The following SPIDR variants were observed in gnomAD, a reference collection of about 807,000 sequenced individuals.
SPIDR encodes DNA repair-scaffolding protein.
SPIDR carries 93 observed loss-of-function variants against 104.6 expected under a neutral mutation model. The observed-to-expected ratio is 0.89, with a 90% CI of 0.75 to 1.06. The LOEUF (loss-of-function observed/expected upper bound fraction) is 1.06, where lower values mean the gene tolerates loss of function less well. Among genes scored for constraint, SPIDR ranks in the 50% least tolerant of loss-of-function variants. The probability of loss-of-function intolerance (pLI) is 0.00; values close to 1 mark genes in which losing one functional copy is unlikely to be tolerated. For missense variants in SPIDR, 1,154 were observed against 1,111.2 expected, an observed-to-expected ratio of 1.04 and a Z score of -0.55; for synonymous variants, 431 against 416.9, an observed-to-expected ratio of 1.03 and a Z score of -0.41.
intron 10 of SPIDR, among the ~76,000 whole-genome samples, chr8:47,630,530 A>G (rs571100569): frequency 1.3e-5 from 2 of 152,328 alleles, no homozygotes; most frequent in East Asian, 3.9e-4. Context: ...GCTTTGCCCT[A>G]GAACTTTCCA....
At chr8:47,635,826 C>T (rs1010376881) in intron 10 of SPIDR, among the ~76,000 whole-genome samples, 8 of 152,222 alleles carry the variant, frequency 5.3e-5, no homozygotes, top group Non-Finnish European at 1.2e-4. Context: ...GACATGCTTA[C>T]CTGCTTCCCA....
At chr8:47,703,618 A>G (rs536193673) in intron 14 of SPIDR, among the ~76,000 whole-genome samples, 2 of 152,360 alleles carry the variant, frequency 1.3e-5, no homozygotes, top group East Asian at 1.9e-4. Flanking sequence ...ACAGACACCA[A>G]AATTTGAATT....
chr8:47,317,099 G>A (rs2045515546), intron 5 of SPIDR, among the ~76,000 whole-genome samples: 1 of 152,140 alleles, frequency 6.6e-6, no homozygotes, highest in South Asian at 2.1e-4. Flanking sequence ...GTGTCGGAAA[G>A]TTGGTGCAGG....
chr8:47,317,124 G>T (rs1298109568), intron 5 of SPIDR, among the ~76,000 whole-genome samples: 2 of 152,114 alleles, frequency 1.3e-5, no homozygotes, highest in Non-Finnish European at 2.9e-5. Context: ...TGGGTACAGT[G>T]CACCCAGCGT....
At chr8:47,583,128 C>G (rs954457586) in intron 8 of SPIDR, among the ~76,000 whole-genome samples, 15 of 141,998 alleles carry the variant, frequency 1.1e-4, no homozygotes, top group Non-Finnish European at 2.0e-4. Flanking sequence ...GCAACCCTGT[C>G]TCTACTAAAA....
intron 5 of SPIDR, among the ~76,000 whole-genome samples, chr8:47,364,912 C>T (rs1453854755): frequency 1.3e-5 from 2 of 152,148 alleles, no homozygotes; most frequent in East Asian, 3.9e-4. Flanking sequence ...CTTTATGCCC[C>T]GTCATGTGTG....
At chr8:47,412,799 C>G (rs1285865916) in intron 7 of SPIDR, among the ~76,000 whole-genome samples, 9 of 152,170 alleles carry the variant, frequency 5.9e-5, no homozygotes, top group Admixed American at 2.0e-4. Context: ...ACTGGAGTGA[C>G]CACTGTTTCT....
intron 8 of SPIDR, among the ~76,000 whole-genome samples, chr8:47,523,249 C>G (rs2084448218): frequency 6.6e-6 from 1 of 152,014 alleles, no homozygotes; most frequent in Non-Finnish European, 1.5e-5. Context: ...TTGTGAGCTT[C>G]TTAGTATTTG....
chr8:47,512,734 A>G (rs2082537515), intron 8 of SPIDR, among the ~76,000 whole-genome samples: 1 of 152,232 alleles, frequency 6.6e-6, no homozygotes, highest in Non-Finnish European at 1.5e-5. Context: ...GAAGAAAAAA[A>G]GAGAGGAGGA....
At position 47,518,257 on chromosome 8, in the gene SPIDR, G is replaced by A. The variant is rs562921002; in HGVS notation, c.1098-77554G>A. Among the ~76,000 whole-genome samples the A allele has an allele frequency of 6.6e-5, 10 of 152,268 alleles. No homozygotes were observed. The South Asian group carries it at 1.7e-3, about 25-fold the overall frequency. ...CCTAAAAGTTCAGGTGTATTCTTGT[G>A]ATGTGCTTATTATTATATTCAGGAA... On this transcript the variant is annotated intron_variant, in intron 8 of 19. Coordinates refer to ENST00000297423, the MANE Select transcript of SPIDR (RefSeq NM_001080394.4).
At position 47,713,544 on chromosome 8, in the gene SPIDR, T is replaced by C. The variant is rs1364513013; in HGVS notation, c.2244T>C (p.Ser748=). 7.4e-6 allele frequency: 12 copies of C among 1,614,144 alleles called. No individual in the cohort carries two copies. The highest frequency in any genetic ancestry group is 2.2e-5 in the East Asian group (1 of 44,880). ...TVLLLQKPLL[S]VVSGASSCEL... ...TCTTGCTTCAGAAGCCCCTTTTGAG[T>C]GTGGTCTCTGGTGCAAGTTCCTGTG... is the stretch of plus-strand genomic sequence containing the variant. The change falls in exon 16 of 20, where the codon AGT becomes AGC. Residue 748 remains serine, a synonymous_variant. Transcript: ENST00000297423.
chr8:47,440,512 C>T lies in SPIDR; in HGVS notation c.1067C>T (p.Pro356Leu). The T allele has an allele frequency of 6.2e-7, 1 of 1,614,200 alleles. No homozygotes were observed. The highest frequency in any genetic ancestry group is 1.1e-5 in the South Asian group (1 of 91,088). The change falls in exon 8 of 20, where the codon CCC (proline) becomes CTC (leucine). Residue 356 changes from proline (P) to leucine (L), a missense_variant. Physicochemically the swap from Pro to Leu is moderately conservative, Grantham distance 98 (BLOSUM62 -3). Coordinates refer to ENST00000297423, the MANE Select transcript of SPIDR (RefSeq NM_001080394.4). ...ACTGCAGGCTACCTCAGGGGCCGTC[C>T]CCAGGACACTGTCCGGATCTTCCCT... is the stretch of plus-strand genomic sequence containing the variant. The part of the protein sequence containing the change: ...KETAGYLRGR[P>L]QDTVRIFPPW...
intron 16 of SPIDR, 145 bp downstream of exon 16, chr8:47,713,786 G>T: frequency 8.8e-7 from 1 of 1,134,986 alleles, no homozygotes; most frequent in Non-Finnish European, 1.2e-6. Context: ...AGCAGAAATT[G>T]TTCTTGGTAT....
At chr8:47,279,828 G>C in intron 1 of SPIDR, 34 bp from the exon 2 acceptor site, 1 of 1,566,540 alleles carries the variant, frequency 6.4e-7, no homozygotes, top group Non-Finnish European at 8.7e-7. Context: ...TTGTTTTTTT[G>C]TTTCGATTTT....
At chr8:47,519,687 A>T (rs927858612) in intron 8 of SPIDR, among the ~76,000 whole-genome samples, 4 of 152,162 alleles carry the variant, frequency 2.6e-5, no homozygotes, top group African/African-American at 9.6e-5. Flanking sequence ...TGGGAAGCTG[A>T]GGTGGCAGGA....
At chr8:47,605,637 G>T (rs1231885530) in intron 10 of SPIDR, among the ~76,000 whole-genome samples, 2 of 152,162 alleles carry the variant, frequency 1.3e-5, no homozygotes, top group Non-Finnish European at 2.9e-5. Flanking sequence ...AGGACATTTA[G>T]CAGGGAGACT....
chr8:47,688,574 C>T (rs770712147), intron 11 of SPIDR: 7 of 152,246 alleles, frequency 4.6e-5, no homozygotes, highest in Non-Finnish European at 8.8e-5. Flanking sequence ...CAGGTAGCTC[C>T]GGTTTATTCG....
rs2082293181 is a variant in SPIDR at position 47,511,365 on chromosome 8, C to T, written c.1097+70823C>T. On this transcript the variant is annotated intron_variant, in intron 8 of 19. Transcript: ENST00000297423. ...TCAACACCTAGGGGGCAGTGCTGCT[C>T]GGTGTCTGACCCTCGCCAGTGAAGG... The T allele has an allele frequency of 2.7e-5, 27 of 1,011,598 alleles. 1 individual carries two copies. The highest frequency in any genetic ancestry group is 4.3e-5 in the Non-Finnish European group (27 of 629,754). The allele number at this position is 1,011,598 out of a possible 1,614,324, so 62.7% of individuals were successfully genotyped here.
At chr8:47,621,516 T>A (rs1473372364) in intron 10 of SPIDR, among the ~76,000 whole-genome samples, 3 of 152,208 alleles carry the variant, frequency 2.0e-5, no homozygotes, top group Non-Finnish European at 4.4e-5. Flanking sequence ...CGCCTCTCTC[T>A]TGATGACCTG....
Sources: allele counts gnomAD v4.1 joint callset (sites outside exome capture counted in the v4.1 genomes callset), GRCh38; gene constraint gnomAD v4.1.1; transcripts MANE v1.5; gene names NCBI Gene and HGNC (gene_info 2026-07-23, HGNC 2026-07-21).